Variants in PLCH2 observed in about 807,000 individuals in gnomAD.
PLCH2 encodes the protein 1-phosphatidylinositol 4,5-bisphosphate phosphodiesterase eta-2.
PLCH2 carries 98 observed loss-of-function variants against 134.7 expected under a neutral mutation model. The ratio of observed to expected loss-of-function variants is 0.73; its 90% confidence interval spans 0.62 to 0.86. PLCH2 has a LOEUF of 0.86. Ranked by LOEUF, PLCH2 falls within the 40% of genes least tolerant of loss-of-function variation. The pLI is 0.00. For missense variants in PLCH2, 1,994 were observed against 1,986.6 expected, an observed-to-expected ratio of 1.00 and a Z score of -0.07; for synonymous variants, 974 against 827.5, an observed-to-expected ratio of 1.18 and a Z score of -3.04.
At chr1:2,425,451 A>G (rs1638745175), upstream of PLCH2, among the ~76,000 whole-genome samples, 1 of 152,132 alleles carries the variant, frequency 6.6e-6, no homozygotes, top group Admixed American at 6.5e-5. Context: ...TCTCTTCAAC[A>G]CGTGGATTTC....
intron 2 of PLCH2, among the ~76,000 whole-genome samples, chr1:2,435,382 C>G (rs1408203135): frequency 1.3e-5 from 2 of 152,132 alleles, no homozygotes; most frequent in Admixed American, 6.5e-5. Flanking sequence ...TCCCCGGGCT[C>G]TGGGCTGACC....
intron 2 of PLCH2, among the ~76,000 whole-genome samples, chr1:2,432,314 G>A (rs1396702421): frequency 6.6e-6 from 1 of 152,194 alleles, no homozygotes; most frequent in Non-Finnish European, 1.5e-5. Context: ...GTGAATAACT[G>A]AGCACTCCGG....
intron 4 of PLCH2, 70 bp downstream of exon 4, chr1:2,480,382 G>A: frequency 2.6e-6 from 4 of 1,527,280 alleles, no homozygotes; most frequent in East Asian, 2.3e-5. Flanking sequence ...GTGTGGCTGG[G>A]AGCCTGCCAG....
At chr1:2,476,099 C>A (rs1369377907), upstream of PLCH2, among the ~76,000 whole-genome samples, 1 of 152,214 alleles carries the variant, frequency 6.6e-6, no homozygotes, top group Non-Finnish European at 1.5e-5. Flanking sequence ...CCAGGAGGGC[C>A]CTCCCGTTGG....
chr1:2,458,870 C>T (rs1341166832), intron 2 of PLCH2, among the ~76,000 whole-genome samples: 1 of 152,252 alleles, frequency 6.6e-6, no homozygotes, highest in Non-Finnish European at 1.5e-5. Flanking sequence ...TAAAAAGTGA[C>T]TACATCTGGG....
At chr1:2,477,482 A>G (rs1027515152) in intron 1 of PLCH2, among the ~76,000 whole-genome samples, 1 of 152,178 alleles carries the variant, frequency 6.6e-6, no homozygotes. Context: ...CTCAGCGTGC[A>G]GACCTGGGGT....
chr1:2,424,979 C>A (rs991352786), upstream of PLCH2, among the ~76,000 whole-genome samples: 1 of 151,860 alleles, frequency 6.6e-6, no homozygotes, highest in East Asian at 1.9e-4. Flanking sequence ...GAGCAAGACT[C>A]CGTCTCAAAA....
chr1:2,504,663 G>T lies in PLCH2; in HGVS notation c.3701G>T (p.Arg1234Leu). 1 of 1,612,486 alleles carries T rather than the reference G, an allele frequency of 6.2e-7. No homozygotes were observed. Among genetic ancestry groups the T allele is most frequent in the Non-Finnish European group, 8.5e-7 (1 of 1,179,732 alleles). The change falls in exon 22 of 22, where the codon CGG becomes CTG. Residue 1234 changes from arginine (R) to leucine (L), a missense_variant. Arg to Leu is a moderately radical substitution (Grantham distance 102, BLOSUM62 -2). This residue lies in a region of PLCH2 where 900 missense variants were observed against 752.3 expected (regional missense o/e 1.20). Coordinates refer to ENST00000378486, the MANE Select transcript of PLCH2 (RefSeq NM_014638.4). ...LAPRMAGLPF[R>L]PPWGCLSLVG... ...CCAAGGATGGCTGGCCTCCCCTTCC[G>T]GCCTCCCTGGGGCTGCCTTTCCCTG... is the stretch of plus-strand genomic sequence containing the variant.
At chr1:2,467,510 T>G in exon 1 of PLCH2, 1 of 397,430 alleles carries the variant, frequency 2.5e-6, no homozygotes, top group Non-Finnish European at 4.4e-6. Context: ...GCATGGGCTC[T>G]GCGCGCGGGG....
At position 2,485,945 on chromosome 1, in the gene PLCH2, C is replaced by T. The variant is rs561386792; in HGVS notation, c.817-962C>T. On this transcript the variant is annotated intron_variant, in intron 5 of 21. Coordinates refer to ENST00000378486, the MANE Select transcript of PLCH2 (RefSeq NM_014638.4). Reference sequence around the variant, plus strand: ...CGGGGCAGCTTGCCAGGCTCCATCCCGTGGCAGCCGCTTCTCCAGTCCTGC... The same window carrying T: ...CGGGGCAGCTTGCCAGGCTCCATCCTGTGGCAGCCGCTTCTCCAGTCCTGC... Among the ~76,000 whole-genome samples, 18 of 152,274 alleles carry T rather than the reference C, an allele frequency of 1.2e-4. No individual in the cohort carries two copies. The East Asian group carries it at 2.1e-3, about 18-fold the overall frequency.
At chr1:2,437,212 T>C (rs1019993626) in intron 2 of PLCH2, among the ~76,000 whole-genome samples, 1 of 152,166 alleles carries the variant, frequency 6.6e-6, no homozygotes, top group Admixed American at 6.5e-5. Context: ...AGGCTTGGGT[T>C]ATGGCCCGGG....
At chr1:2,496,163 G>A (rs749320856) in intron 13 of PLCH2, among the ~76,000 whole-genome samples, 19 of 151,646 alleles carry the variant, frequency 1.3e-4, no homozygotes, top group South Asian at 2.1e-4. Context: ...GTCTCATCCC[G>A]TCCCACGTGC....
rs1639835111 is a variant in PLCH2 at position 2,444,257 on chromosome 1, G to A, written c.115+13628G>A. Among the ~76,000 whole-genome samples the A allele has an allele frequency of 6.6e-6, 1 of 152,224 alleles. No homozygotes were observed. The highest frequency in any genetic ancestry group is 6.5e-5 in the Admixed American group (1 of 15,292). On this transcript the variant is annotated intron_variant, in intron 2 of 3. Transcript: ENST00000609981. The surrounding 1 kb of genome is among the most constrained non-coding windows in gnomAD (Gnocchi z 4.6). ...CCCGGGCTTCTGCGGAGGTCGCACTGGGGCTGTGACCGTGCTGAGAATGAC... is the reference window on the plus strand; with the variant it reads ...CCCGGGCTTCTGCGGAGGTCGCACTAGGGCTGTGACCGTGCTGAGAATGAC...
chr1:2,455,555 T>C (rs563398160), intron 2 of PLCH2, among the ~76,000 whole-genome samples: 38 of 152,176 alleles, frequency 2.5e-4, no homozygotes, highest in African/African-American at 7.9e-4. Context: ...TTAGACTCAG[T>C]GAGTGTGAAG....
chr1:2,455,892 C>T (rs113316825), intron 2 of PLCH2, among the ~76,000 whole-genome samples: 2 of 152,324 alleles, frequency 1.3e-5, no homozygotes, highest in African/African-American at 2.4e-5. Context: ...GAGCATCCCG[C>T]GGGCGGGCTG....
chr1:2,477,971 G>T (rs934085789), intron 1 of PLCH2, among the ~76,000 whole-genome samples: 72 of 152,292 alleles, frequency 4.7e-4, no homozygotes, highest in Non-Finnish European at 6.9e-4. Context: ...GGCCCACCCC[G>T]CCCCTGACAA....
At chr1:2,494,144 G>T (rs1211935332) in intron 11 of PLCH2, among the ~76,000 whole-genome samples, 1 of 152,182 alleles carries the variant, frequency 6.6e-6, no homozygotes, top group East Asian at 1.9e-4. Flanking sequence ...GAGCACAGCT[G>T]GGCCATGTTT....
intron 2 of PLCH2, among the ~76,000 whole-genome samples, chr1:2,450,199 C>T (rs947035426): frequency 1.3e-5 from 2 of 152,162 alleles, no homozygotes; most frequent in South Asian, 2.1e-4. Context: ...GGGCAGATAT[C>T]GGGCACCTCC....
At chr1:2,478,373 G>A (rs1161215486) in intron 1 of PLCH2, 103 bp from the exon 2 acceptor site, 5 of 1,417,292 alleles carry the variant, frequency 3.5e-6, no homozygotes, top group African/African-American at 1.4e-5. Context: ...GCTGACGGCC[G>A]TGTTTCTCCC....
Sources: allele counts gnomAD v4.1 joint callset (sites outside exome capture counted in the v4.1 genomes callset), GRCh38; gene constraint gnomAD v4.1.1; regional missense constraint gnomAD v4.1.1; non-coding constraint Gnocchi (gnomAD v3.1); transcripts MANE v1.5; gene names NCBI Gene and HGNC (gene_info 2026-07-23, HGNC 2026-07-21).